FBXW7: variants seen among roughly 807,000 people sequenced by gnomAD.
FBXW7 encodes F-box and WD repeat domain containing 7.
Under a neutral mutation model 86.3 loss-of-function variants are expected in FBXW7, and 11 were observed. The ratio of observed to expected loss-of-function variants is 0.13; its 90% CI spans 0.08 to 0.21. The LOEUF (loss-of-function observed/expected upper bound fraction) is 0.21. Ranked by LOEUF, FBXW7 falls within the 10% of genes least tolerant of loss-of-function variation. The pLI is 1.00. For synonymous variants in FBXW7, 313 were observed against 297.9 expected (o/e 1.05, Z -0.52); for missense variants, 488 against 847.4 (o/e 0.58, Z 5.27).
At chr4:152,522,298 T>C (rs891610844) in intron 2 of FBXW7, among the ~76,000 whole-genome samples, 9 of 152,218 alleles carry the variant, frequency 5.9e-5, no homozygotes, top group African/African-American at 2.2e-4. Flanking sequence ...GAACCTTTTC[T>C]CAGTTTCTGA....
chr4:152,402,279 G>A (rs1277169561), intron 4 of FBXW7, among the ~76,000 whole-genome samples: 2 of 152,068 alleles, frequency 1.3e-5, no homozygotes, highest in East Asian at 3.8e-4. Flanking sequence ...ATTCTTTGTT[G>A]ACTAATAATT....
chr4:152,357,365 T>C (rs1732489062), intron 4 of FBXW7, among the ~76,000 whole-genome samples: 1 of 151,862 alleles, frequency 6.6e-6, no homozygotes, highest in South Asian at 2.1e-4. Flanking sequence ...CTGTTGCCCA[T>C]GCTAGAGTGC....
At chr4:152,328,067 T>C (rs1027249725) in intron 11 of FBXW7, 141 bp downstream of exon 11, 9 of 691,422 alleles carry the variant, frequency 1.3e-5, no homozygotes, top group Middle Eastern at 3.8e-4. Context: ...ATGGCTTTCC[T>C]AGAATAGAAA....
At chr4:152,340,828 TA>T (rs1294858902) in intron 6 of FBXW7, among the ~76,000 whole-genome samples, 1 of 152,134 alleles carries the variant, frequency 6.6e-6, no homozygotes, top group Non-Finnish European at 1.5e-5. Flanking sequence ...AATTGAAACT[TA>T]ACATGTCTAT....
intron 4 of FBXW7, among the ~76,000 whole-genome samples, chr4:152,388,836 C>G (rs1735763037): frequency 6.6e-6 from 1 of 152,048 alleles, no homozygotes; most frequent in Admixed American, 6.6e-5. Flanking sequence ...ATCTCTAAAT[C>G]AACAGAATGA....
At position 152,426,436 on chromosome 4, in the gene FBXW7, GC is replaced by G. The variant is rs1739389783; in HGVS notation, c.-119-13908del. On this transcript the variant is annotated intron_variant, in intron 2 of 13. Transcript: ENST00000281708. ...ACAATCTCGACTCACTGTAGCCTCC[GC>G]CTCCCGGGTTCAAGCGATTCTTCTG... 6.0e-5 allele frequency among the ~76,000 whole-genome samples: 9 copies of G among 150,632 alleles called. No individual in the cohort carries two copies. In the Admixed American group the frequency reaches 6.0e-4, roughly 10 times the overall value.
chr4:152,331,590 G>C (rs1729571000), intron 8 of FBXW7, among the ~76,000 whole-genome samples: 1 of 151,960 alleles, frequency 6.6e-6, no homozygotes, highest in Non-Finnish European at 1.5e-5. Context: ...GTTAGAACAG[G>C]GGGCATGGAG....
chr4:152,346,862 G>A (rs1167105829), intron 6 of FBXW7, 68 bp downstream of exon 6: 52 of 1,575,374 alleles, frequency 3.3e-5, no homozygotes, highest in South Asian at 7.0e-5. Context: ...CTTTTTTTAC[G>A]GATGAATAAT....
intron 2 of FBXW7, among the ~76,000 whole-genome samples, chr4:152,534,648 T>C (rs1398147657): frequency 1.3e-5 from 2 of 152,152 alleles, no homozygotes; most frequent in Non-Finnish European, 2.9e-5. Context: ...TGCGCACATA[T>C]GCTCTGGCTT....
At chr4:152,527,851 AT>A (rs1749655049) in intron 2 of FBXW7, among the ~76,000 whole-genome samples, 1 of 145,586 alleles carries the variant, frequency 6.9e-6, no homozygotes, top group Admixed American at 7.2e-5. Flanking sequence ...TTTGTTAAAA[AT>A]TTAAAAATTA....
intron 2 of FBXW7, among the ~76,000 whole-genome samples, chr4:152,457,749 C>A (rs1456151061): frequency 6.7e-6 from 1 of 150,352 alleles, no homozygotes; most frequent in Non-Finnish European, 1.5e-5. Flanking sequence ...AAAACAACTT[C>A]TCTAGTAGAA....
At chr4:152,381,080 T>G (rs149140791) in intron 4 of FBXW7, among the ~76,000 whole-genome samples, 2 of 152,104 alleles carry the variant, frequency 1.3e-5, no homozygotes, top group African/African-American at 4.8e-5. Flanking sequence ...TAAACTGTAT[T>G]ACATTTTAAC....
intron 4 of FBXW7, among the ~76,000 whole-genome samples, chr4:152,370,465 T>C (rs1164005967): frequency 6.6e-6 from 1 of 151,964 alleles, no homozygotes; most frequent in African/African-American, 2.4e-5. Flanking sequence ...TACCTTTACT[T>C]GAGGAAGAAA....
intron 2 of FBXW7, among the ~76,000 whole-genome samples, chr4:152,529,078 T>A (rs1749783311): frequency 6.6e-6 from 1 of 151,926 alleles, no homozygotes; most frequent in African/African-American, 2.4e-5. Flanking sequence ...TCAGTTACAC[T>A]AAAAACATAC....
intron 4 of FBXW7, among the ~76,000 whole-genome samples, chr4:152,354,459 A>G (rs1436522907): frequency 6.6e-6 from 1 of 152,160 alleles, no homozygotes; most frequent in African/African-American, 2.4e-5. Context: ...CTGGGCTATG[A>G]GAACACCTGA....
chr4:152,388,729 C>T (rs1425506022), intron 4 of FBXW7, among the ~76,000 whole-genome samples: 1 of 152,056 alleles, frequency 6.6e-6, no homozygotes, highest in African/African-American at 2.4e-5. Flanking sequence ...CTTCAGATTT[C>T]TACAAAGAGG....
intron 4 of FBXW7, among the ~76,000 whole-genome samples, chr4:152,387,705 T>C (rs1296360894): frequency 9.0e-6 from 1 of 110,636 alleles, no homozygotes; most frequent in South Asian, 3.1e-4. Context: ...AAACATGGCA[T>C]ACCTTTTTTT....
chr4:152,490,150 T>C (rs1745698723), intron 2 of FBXW7, among the ~76,000 whole-genome samples: 1 of 152,038 alleles, frequency 6.6e-6, no homozygotes, highest in Non-Finnish European at 1.5e-5. Flanking sequence ...GAGTATAACA[T>C]ACGTTACCAG....
At chr4:152,478,636 T>C (rs1744624574) in intron 2 of FBXW7, among the ~76,000 whole-genome samples, 1 of 152,246 alleles carries the variant, frequency 6.6e-6, no homozygotes, top group Non-Finnish European at 1.5e-5. Context: ...TTTGAAGAAC[T>C]GGTAAACTGT....
Sources: gnomAD v4.1 joint callset for allele counts (sites outside exome capture counted in the v4.1 genomes callset) on GRCh38, gnomAD v4.1.1 for gene constraint, MANE v1.5 for transcripts, NCBI Gene and HGNC (gene_info 2026-07-23, HGNC 2026-07-21) for gene names.